PHACTR2: variants seen among roughly 807,000 people sequenced by gnomAD.
PHACTR2 encodes chromosome 6 open reading frame 56.
PHACTR2 carries 30 observed loss-of-function variants against 76.0 expected under a neutral mutation model. The observed-to-expected ratio is 0.39, with a 90% CI of 0.30 to 0.54. The LOEUF is 0.54. PHACTR2 is among the 20% of genes least tolerant of loss of function. The pLI, the probability that PHACTR2 is intolerant of heterozygous loss-of-function variation, is 0.61. For missense variants in PHACTR2, 696 were observed against 781.1 expected, an observed-to-expected ratio of 0.89 and a Z score of 1.30; for synonymous variants, 292 against 292.5, an observed-to-expected ratio of 1.00 and a Z score of 0.02.
In PHACTR2 at chr6:143,658,066, G is replaced by T. The variant is rs1776881391; in HGVS notation, c.13+49744G>T. Among the ~76,000 whole-genome samples the T allele has an allele frequency of 1.3e-5, 2 of 152,190 alleles. No individual in the cohort carries two copies. Among genetic ancestry groups the T allele is most frequent in the African/African-American group, 4.8e-5 (2 of 41,452 alleles). ...TGTTGAGGGACGTTTGGCCTGTCCA[G>T]TTTGGGGCTATTATGAACAAAGCTG... On this transcript the variant is annotated intron_variant, in intron 1 of 11. Coordinates refer to the PHACTR2 transcript ENST00000305766. The surrounding 1 kb of genome is among the most constrained non-coding windows in gnomAD (Gnocchi z 4.1).
chr6:143,620,928 C>T (rs1445690640), intron 1 of PHACTR2, among the ~76,000 whole-genome samples: 2 of 152,192 alleles, frequency 1.3e-5, no homozygotes, highest in Non-Finnish European at 2.9e-5. Context: ...TATGTTGAAG[C>T]TCTCTGTACT....
At chr6:143,796,152 T>C (rs998539089) in intron 11 of PHACTR2, among the ~76,000 whole-genome samples, 2 of 152,216 alleles carry the variant, frequency 1.3e-5, no homozygotes, top group Non-Finnish European at 2.9e-5. Flanking sequence ...ATTTTTGTTG[T>C]CCCTAAGCTA....
At position 143,824,493 on chromosome 6, in the gene PHACTR2, G is replaced by A. The variant is rs1262093065; in HGVS notation, c.*804G>A. Reference sequence around the variant, plus strand: ...GTGTACCAGCCTTCACAGGATAAGAGGACTGGGAATAAAGTCAGATGTAAT... The same window carrying A: ...GTGTACCAGCCTTCACAGGATAAGAAGACTGGGAATAAAGTCAGATGTAAT... On this transcript the variant is annotated 3_prime_UTR_variant, in exon 13 of 13. Coordinates refer to ENST00000440869, the MANE Select transcript of PHACTR2 (RefSeq NM_001100164.2). The surrounding 1 kb of genome is among the most constrained non-coding windows in gnomAD (Gnocchi z 6.3). 2.6e-5 allele frequency: 4 copies of A among 152,608 alleles called. No homozygotes were observed. Among genetic ancestry groups the A allele is most frequent in the Non-Finnish European group, 5.9e-5 (4 of 68,034 alleles). 9.5% of individuals were successfully genotyped at this position (152,608 alleles called of 1,614,324 possible).
chr6:143,681,667 A>C (rs1777390695), intron 1 of PHACTR2, among the ~76,000 whole-genome samples: 1 of 152,210 alleles, frequency 6.6e-6, no homozygotes, highest in South Asian at 2.1e-4. Context: ...AGCCTAACCA[A>C]GGCAAGAAGA....
At position 143,777,255 on chromosome 6, in the gene PHACTR2, T is replaced by C; in HGVS notation, c.1590-73T>C. 1 of 769,520 alleles carries C rather than the reference T, an allele frequency of 1.3e-6. No homozygotes were observed. Among genetic ancestry groups the C allele is most frequent in the South Asian group, 1.6e-5 (1 of 63,196 alleles). The allele number at this position is 769,520 out of a possible 1,614,324, so 47.7% of individuals were successfully genotyped here. A position where few individuals can be genotyped will look rare whatever the true frequency, so the allele number is the denominator to read the frequency against. On this transcript the variant is annotated intron_variant, in intron 8 of 12. Transcript: ENST00000440869. This position sits in a 1 kb window ranked among gnomAD's most constrained non-coding sequence, Gnocchi z 4.6. ...TCTCAAAACATGAAAAATAGAGCTT[T>C]GTTGTTTTATTCTGAGTCTCCTACT...
Position 143,680,769 on chromosome 6 carries a change from C to T in PHACTR2, c.46+2560C>T, listed in dbSNP as rs1432522408. On this transcript the variant is annotated intron_variant, in intron 1 of 12. Coordinates refer to ENST00000440869, the MANE Select transcript of PHACTR2 (RefSeq NM_001100164.2). This position sits in a 1 kb window ranked among gnomAD's most constrained non-coding sequence, Gnocchi z 4.5. ...AATCTCTGTTCCCACCCTATTCAAC[C>T]AGTGGGCTCTACCTTAATGAAACAC... Among the ~76,000 whole-genome samples the T allele has an allele frequency of 6.6e-6, 1 of 151,728 alleles. No homozygotes were observed. Among genetic ancestry groups the T allele is most frequent in the Non-Finnish European group, 1.5e-5 (1 of 67,930 alleles).
At chr6:143,612,693 T>C (rs1775997338) in intron 1 of PHACTR2, among the ~76,000 whole-genome samples, 1 of 152,156 alleles carries the variant, frequency 6.6e-6, no homozygotes, top group South Asian at 2.1e-4. Flanking sequence ...GGATTCTTTA[T>C]TTAGGGGATT....
chr6:143,539,872 G>T lies in PHACTR2; in HGVS notation c.217+2665G>T, dbSNP rs774017868. ...ACTTGGCTACACGTAGGAATTGCTTGGGGAGTTAACAACGAAGCAACCTGT... is the reference window on the plus strand; with the variant it reads ...ACTTGGCTACACGTAGGAATTGCTTTGGGAGTTAACAACGAAGCAACCTGT... On this transcript the variant is annotated intron_variant, in intron 1 of 11. Transcript: ENST00000367584. This position sits in a 1 kb window ranked among gnomAD's most constrained non-coding sequence, Gnocchi z 4.3. Among the ~76,000 whole-genome samples, 1 of 152,152 alleles carries T rather than the reference G, an allele frequency of 6.6e-6. No homozygotes were observed. The highest frequency in any genetic ancestry group is 1.5e-5 in the Non-Finnish European group (1 of 68,014).
chr6:143,538,744 A>G (rs771587291), intron 1 of PHACTR2, among the ~76,000 whole-genome samples: 3 of 152,192 alleles, frequency 2.0e-5, no homozygotes, highest in Non-Finnish European at 4.4e-5. Context: ...TTCTTGTCAT[A>G]TTGTTTTTGC....
chr6:143,572,030 T>C (rs1775451692), intron 1 of PHACTR2, among the ~76,000 whole-genome samples: 1 of 152,212 alleles, frequency 6.6e-6, no homozygotes, highest in South Asian at 2.1e-4. Context: ...ATACATATGC[T>C]AAAAAATGGG....
At chr6:143,545,435 TG>T (rs1774968784) in intron 1 of PHACTR2, among the ~76,000 whole-genome samples, 1 of 152,204 alleles carries the variant, frequency 6.6e-6, no homozygotes, top group African/African-American at 2.4e-5. Flanking sequence ...ATGTTGGTGC[TG>T]GGTATTGGAT....
At position 143,548,045 on chromosome 6, in the gene PHACTR2, A is replaced by G. The variant is rs1328900468; in HGVS notation, c.217+10838A>G. ...CTGTCATAGACTGGTTGGCTTATAAATAAGAGAAGTTTATTTCTCTTATTA... is the reference window on the plus strand; with the variant it reads ...CTGTCATAGACTGGTTGGCTTATAAGTAAGAGAAGTTTATTTCTCTTATTA... On this transcript the variant is annotated intron_variant, in intron 1 of 11. Coordinates refer to the PHACTR2 transcript ENST00000367584. This position sits in a 1 kb window ranked among gnomAD's most constrained non-coding sequence, Gnocchi z 4.5. Among the ~76,000 whole-genome samples, 2 of 152,182 alleles carry G rather than the reference A, an allele frequency of 1.3e-5. No homozygotes were observed. The highest frequency in any genetic ancestry group is 2.9e-5 in the Non-Finnish European group (2 of 68,030).
rs1302605275 is a variant in PHACTR2, at chr6:143,613,062, C to T, written c.13+4740C>T. Among the ~76,000 whole-genome samples, 5 of 152,336 alleles carry T rather than the reference C, an allele frequency of 3.3e-5. No homozygotes were observed. The East Asian group carries it at 9.6e-4, about 29-fold the overall frequency. On this transcript the variant is annotated intron_variant, in intron 1 of 11. Transcript: ENST00000305766. ...CGCAATCTCGGCTCACTGCAAGCTC[C>T]GCCTCCCAGGTTCACGCCATTCCCT...
At position 143,820,408 on chromosome 6, in the gene PHACTR2, A is replaced by G. The variant is rs9496773; in HGVS notation, c.1923-3266A>G. The stretch of plus-strand genomic sequence containing the variant: ...GTAAGTTATTTCCAAGATATGGTGG[A>G]GATCTATACTGGGTAAACATTCCCG... On this transcript the variant is annotated intron_variant, in intron 12 of 12. Coordinates refer to ENST00000440869, the MANE Select transcript of PHACTR2 (RefSeq NM_001100164.2). The surrounding 1 kb of genome is among the most constrained non-coding windows in gnomAD (Gnocchi z 4.2). Among the ~76,000 whole-genome samples, 48,116 of 152,116 alleles carry G rather than the reference A, an allele frequency of 0.32. 8,093 individuals are homozygous for G. Among genetic ancestry groups the G allele is most frequent in the East Asian group, 0.45 (2,310 of 5,162 alleles).
At chr6:143,572,515 TTTTG>T (rs200564028) in intron 1 of PHACTR2, among the ~76,000 whole-genome samples, 1,554 of 152,296 alleles carry the variant, frequency 0.01, 30 homozygotes, top group African/African-American at 0.033. Context: ...ACAGTGGTTT[TTTTG>T]TTTGTTTGTT....
rs533857586 is a variant in PHACTR2, at chr6:143,767,015, T to TA, written c.1232+1225dup. Among the ~76,000 whole-genome samples the TA allele has an allele frequency of 6.6e-6, 1 of 152,058 alleles. No homozygotes were observed. Among genetic ancestry groups the TA allele is most frequent in the Non-Finnish European group, 1.5e-5 (1 of 68,008 alleles). ...TCAAAACAATCTGTCATGTTAGACT[T>TA]AAAAAAAATTATTACATTAATTAGG... On this transcript the variant is annotated intron_variant, in intron 6 of 12. Coordinates refer to ENST00000440869, the MANE Select transcript of PHACTR2 (RefSeq NM_001100164.2). This position sits in a 1 kb window ranked among gnomAD's most constrained non-coding sequence, Gnocchi z 4.4.
In PHACTR2 at chr6:143,598,333, G is replaced by A. The variant is rs1441414162; in HGVS notation, c.217+61126G>A. On this transcript the variant is annotated intron_variant, in intron 1 of 11. Transcript: ENST00000367584. This position sits in a 1 kb window ranked among gnomAD's most constrained non-coding sequence, Gnocchi z 4.1. ...AGACAAATTTTGGAGCAATGAGGCT[G>A]TAACCAAAGAATGCAACTGAGCCTA... is the stretch of plus-strand genomic sequence containing the variant. Among the ~76,000 whole-genome samples the A allele has an allele frequency of 1.3e-5, 2 of 152,184 alleles. No homozygotes were observed. Among genetic ancestry groups the A allele is most frequent in the Non-Finnish European group, 2.9e-5 (2 of 68,046 alleles).
chr6:143,670,631 A>C (rs181502333), intron 1 of PHACTR2, among the ~76,000 whole-genome samples: 11 of 151,992 alleles, frequency 7.2e-5, no homozygotes, highest in Admixed American at 4.6e-4. Context: ...CTGCCTGATC[A>C]ATTCGACTAT....
At chr6:143,614,216 C>T (rs1163566710) in intron 1 of PHACTR2, among the ~76,000 whole-genome samples, 3 of 151,946 alleles carry the variant, frequency 2.0e-5, no homozygotes, top group African/African-American at 4.8e-5. Flanking sequence ...AGTGAGACTC[C>T]GTCTCAAAAA....
Sources: gnomAD v4.1 joint callset for allele counts (sites outside exome capture counted in the v4.1 genomes callset) on GRCh38, gnomAD v4.1.1 for gene constraint, Gnocchi (gnomAD v3.1) non-coding constraint, MANE v1.5 for transcripts, NCBI Gene and HGNC (gene_info 2026-07-23, HGNC 2026-07-21) for gene names.